Variants in CHDH observed in about 807,000 individuals in gnomAD.
CHDH encodes the protein choline dehydrogenase.
A neutral mutation model predicts 56.9 loss-of-function variants in CHDH; 43 were observed. The ratio of observed to expected loss-of-function variants is 0.76; its 90% CI spans 0.59 to 0.97. The LOEUF (loss-of-function observed/expected upper bound fraction) is 0.97. Among genes scored for constraint, CHDH ranks in the 50% least tolerant of loss-of-function variants. CHDH has a pLI of 0.00. For missense variants in CHDH, 816 were observed against 821.1 expected (o/e 0.99, Z 0.08); for synonymous variants, 364 against 348.5 (o/e 1.04, Z -0.50).
intron 2 of CHDH, among the ~76,000 whole-genome samples, chr3:53,835,544 A>G (rs1698468967): frequency 6.6e-6 from 1 of 152,136 alleles, no homozygotes; most frequent in Non-Finnish European, 1.5e-5. Context: ...CCAAAGGAGG[A>G]TTCAGGGCAG....
At chr3:53,839,463 T>C (rs937530138) in intron 2 of CHDH, among the ~76,000 whole-genome samples, 2 of 152,322 alleles carry the variant, frequency 1.3e-5, no homozygotes, top group Non-Finnish European at 2.9e-5. Context: ...ACCATGAGAA[T>C]GTGCTGCTCT....
At chr3:53,832,522 A>C (rs1384930851) in intron 2 of CHDH, among the ~76,000 whole-genome samples, 2 of 152,008 alleles carry the variant, frequency 1.3e-5, no homozygotes, top group African/African-American at 4.8e-5. Context: ...ACAGAGCGAG[A>C]CTCCATCTCA....
At position 53,822,611 on chromosome 3, in the gene CHDH, CAGGT is replaced by C. The variant is rs1470413073; in HGVS notation, c.731_734del (p.Tyr244CysfsTer5). The C allele has an allele frequency of 6.2e-6, 10 of 1,611,504 alleles. No individual in the cohort carries two copies. The South Asian group carries it at 1.1e-4, about 18-fold the overall frequency. On this transcript the variant is annotated frameshift_variant, in exon 4 of 9. Transcript: ENST00000315251. LOFTEE classifies it high-confidence loss of function. ...GGTTGGTGCGGCTCAGTGCTGGGTGCAGGTAGGCACAGGCCGCGCTCCACCGTTT... is the reference window on the plus strand; with the variant it reads ...GGTTGGTGCGGCTCAGTGCTGGGTGCAGGCACAGGCCGCGCTCCACCGTTT...
rs1052143946 is a variant in CHDH at position 53,823,849 on chromosome 3, C to A, written c.160G>T (p.Val54Leu). Residue 54 changes from valine (V) to leucine (L), a missense_variant, in exon 3 of 9, where the codon GTG (valine) becomes TTG (leucine). Val to Leu is a conservative substitution (Grantham distance 32, BLOSUM62 1). Coordinates refer to ENST00000315251, the MANE Select transcript of CHDH (RefSeq NM_018397.5). ...VVVGAGSAGC[V>L]LAGRLTEDPA... The stretch of plus-strand genomic sequence containing the variant: ...TCCTCCGTGAGCCTCCCAGCCAGCA[C>A]GCAGCCCGCCGAGCCCGCGCCCACC... The A allele has an allele frequency of 4.4e-6, 7 of 1,585,932 alleles. No individual in the cohort carries two copies. Among genetic ancestry groups the A allele is most frequent in the African/African-American group, 1.3e-5 (1 of 74,376 alleles).
At position 53,819,503 on chromosome 3, in the gene CHDH, G is replaced by A. The variant is rs2095621978; in HGVS notation, c.1263+29C>T. ...CTTCCTGGTGGGAAGGAGACATCCT[G>A]GGAAGCCGAGGCTCTTCCACCTGCT... On this transcript the variant is annotated intron_variant, in intron 7 of 8. Coordinates refer to ENST00000315251, the MANE Select transcript of CHDH (RefSeq NM_018397.5). This position sits in a 1 kb window ranked among gnomAD's most constrained non-coding sequence, Gnocchi z 5.4. The A allele has an allele frequency of 1.3e-6, 2 of 1,579,948 alleles. No individual in the cohort carries two copies. The highest frequency in any genetic ancestry group is 1.7e-6 in the Non-Finnish European group (2 of 1,163,906).
intron 2 of CHDH, among the ~76,000 whole-genome samples, chr3:53,824,438 T>C (rs1164349530): frequency 6.6e-6 from 1 of 152,232 alleles, no homozygotes; most frequent in Non-Finnish European, 1.5e-5. Flanking sequence ...GACAGTGGGC[T>C]CAGCCCCTAC....
At chr3:53,835,460 T>A (rs558866759) in intron 2 of CHDH, among the ~76,000 whole-genome samples, 1 of 152,332 alleles carries the variant, frequency 6.6e-6, no homozygotes, top group South Asian at 2.1e-4. Flanking sequence ...AGGCTGATGA[T>A]GACAGTCTTT....
At chr3:53,837,502 G>A (rs557194566) in intron 2 of CHDH, among the ~76,000 whole-genome samples, 7 of 152,368 alleles carry the variant, frequency 4.6e-5, no homozygotes, top group Admixed American at 3.3e-4. Flanking sequence ...CTGCCAGGCC[G>A]CACCGTGTGA....
chr3:53,844,385 A>C (rs573460948), intron 1 of CHDH, among the ~76,000 whole-genome samples: 11 of 152,166 alleles, frequency 7.2e-5, no homozygotes, highest in Non-Finnish European at 1.6e-4. Flanking sequence ...GACTGCCACC[A>C]ACCAGCCTCA....
chr3:53,840,145 A>G (rs1168862360), intron 2 of CHDH, among the ~76,000 whole-genome samples: 1 of 152,234 alleles, frequency 6.6e-6, no homozygotes, highest in Non-Finnish European at 1.5e-5. Context: ...AATGAGATCT[A>G]GTATTTGACA....
At position 53,817,782 on chromosome 3, in the gene CHDH, G is replaced by A. The variant is rs149941082; in HGVS notation, c.1780C>T (p.Arg594Cys). ...VYKPRTLATQ[R>C] is the part of the protein sequence containing the mutation. ...ATCCTCCAGCAGCAACTGTCTTAGC[G>A]CTGGGTGGCCAGCGTCCTGGGCTTG... Residue 594 changes from arginine to cysteine, a missense_variant, in exon 9 of 9, where the codon CGC (arginine) becomes TGC (cysteine). By Grantham distance (180) the Arg-to-Cys change is radical. Transcript: ENST00000315251. 1.6e-5 allele frequency: 25 copies of A among 1,598,950 alleles called. No individual in the cohort carries two copies. The highest frequency in any genetic ancestry group is 1.1e-5 in the Non-Finnish European group (13 of 1,172,266).
chr3:53,825,642 A>AG (rs1004081872), intron 2 of CHDH, among the ~76,000 whole-genome samples: 2 of 152,192 alleles, frequency 1.3e-5, no homozygotes, highest in Non-Finnish European at 2.9e-5. Flanking sequence ...GAAGAGACAG[A>AG]GAACAAGGGA....
Position 53,816,131 on chromosome 3 carries a change from A to ACCCCCCCCCCCC in CHDH, c.*1645_*1646insGGGGGGGGGGGG, listed in dbSNP as rs202031062. On this transcript the variant is annotated 3_prime_UTR_variant, in exon 9 of 9. Transcript: ENST00000315251. ...CAGAAAACTAACTTGTGGCTGTCGG[A>ACCCCCCCCCCCC]CGCCCCCCCCCCCCGCCCCAGTCTG... 2 of 86,964 alleles carry ACCCCCCCCCCCC rather than the reference A, an allele frequency of 2.3e-5. No homozygotes were observed. Among genetic ancestry groups the ACCCCCCCCCCCC allele is most frequent in the Admixed American group, 1.3e-4 (1 of 7,588 alleles). The allele number at this position is 86,964 out of a possible 1,614,324, so 5.4% of individuals were successfully genotyped here.
intron 1 of CHDH, among the ~76,000 whole-genome samples, chr3:53,843,181 C>A (rs1698730834): frequency 1.1e-5 from 1 of 90,374 alleles, no homozygotes; most frequent in African/African-American, 3.6e-5. Flanking sequence ...GGAATTTCCC[C>A]CCCCACCTTT....
chr3:53,845,100 CAG>C (rs1031929693), intron 1 of CHDH, among the ~76,000 whole-genome samples: 30 of 152,242 alleles, frequency 2.0e-4, no homozygotes, highest in African/African-American at 6.5e-4. Context: ...CAAAGCAACT[CAG>C]AGAGGTGGAA....
At chr3:53,839,026 C>G (rs1393247032) in intron 2 of CHDH, among the ~76,000 whole-genome samples, 1 of 152,154 alleles carries the variant, frequency 6.6e-6, no homozygotes, top group African/African-American at 2.4e-5. Context: ...CCAGAACCAA[C>G]TCTCCACAGA....
intron 2 of CHDH, among the ~76,000 whole-genome samples, chr3:53,839,377 A>C (rs547013151): frequency 2.6e-4 from 40 of 152,236 alleles, no homozygotes; most frequent in Non-Finnish European, 4.4e-4. Flanking sequence ...AATAAATCCA[A>C]GTATAGAATG....
chr3:53,823,389 T>A lies in CHDH; in HGVS notation c.620A>T (p.Gln207Leu). The A allele has an allele frequency of 6.2e-7, 1 of 1,606,104 alleles. No individual in the cohort carries two copies. ...PLHCAFLEAT[Q>L]QAGYPLTEDM... ...CTCGGTGAGCGGGTAGCCGGCCTGC[T>A]GCGTGGCCTCCAGGAATGCGCAGTG... The change falls in exon 3 of 9, where the codon CAG (glutamine) becomes CTG (leucine). Residue 207 changes from glutamine to leucine, a missense_variant. Physicochemically the swap from Gln to Leu is moderately radical, Grantham distance 113. Transcript: ENST00000315251.
chr3:53,819,001 G>A lies in CHDH; in HGVS notation c.1303C>T (p.Leu435Phe). ...TGGGGATTGGCACTTCTCAGTTTGAGCCAGCCCACACTCGTGCCCCGCATG... is the reference window on the plus strand; with the variant it reads ...TGGGGATTGGCACTTCTCAGTTTGAACCAGCCCACACTCGTGCCCCGCATG... ...GPMRGTSVGW[L>F]KLRSANPQDH... Residue 435 changes from leucine (L) to phenylalanine (F), a missense_variant, in exon 8 of 9, where the codon CTC (leucine) becomes TTC (phenylalanine). Coordinates refer to ENST00000315251, the MANE Select transcript of CHDH (RefSeq NM_018397.5). The surrounding 1 kb of genome is among the most constrained non-coding windows in gnomAD (Gnocchi z 5.4). 3.1e-6 allele frequency: 5 copies of A among 1,613,942 alleles called. No homozygotes were observed. The highest frequency in any genetic ancestry group is 3.4e-6 in the Non-Finnish European group (4 of 1,179,872).
Sources: gnomAD v4.1 joint callset for allele counts (sites outside exome capture counted in the v4.1 genomes callset) on GRCh38, gnomAD v4.1.1 for gene constraint, Gnocchi (gnomAD v3.1) non-coding constraint, MANE v1.5 for transcripts, NCBI Gene and HGNC (gene_info 2026-07-23, HGNC 2026-07-21) for gene names.